Variants in RAB38 observed in about 807,000 individuals in gnomAD.
RAB38 encodes ras-related protein Rab-38.
RAB38 carries 15 observed loss-of-function variants against 18.4 expected under a neutral mutation model. That is an observed-to-expected ratio of 0.82 (90% CI 0.55 to 1.26). The LOEUF is 1.26. Ranked by LOEUF, RAB38 falls within the 50% of genes most tolerant of loss-of-function variation. RAB38 has a pLI of 0.00. For synonymous variants in RAB38, 101 were observed against 104.4 expected (o/e 0.97, Z 0.20); for missense variants, 294 against 267.4 (o/e 1.10, Z -0.69).
the RAB38 span, among the ~76,000 whole-genome samples, chr11:88,048,233 G>A: frequency 2.0e-5 from 3 of 152,250 alleles, no homozygotes; most frequent in African/African-American, 7.2e-5. Context: ...TGGATAGGTA[G>A]AGGCCTTTCC....
the RAB38 span, among the ~76,000 whole-genome samples, chr11:88,059,489 T>C: frequency 6.6e-6 from 1 of 152,218 alleles, no homozygotes; most frequent in Non-Finnish European, 1.5e-5. Context: ...TAAATGATCA[T>C]GAATCATGCA....
chr11:87,883,829 G>A, the RAB38 span, among the ~76,000 whole-genome samples: 1 of 151,898 alleles, frequency 6.6e-6, no homozygotes, highest in South Asian at 2.1e-4. Context: ...AAAGTCAAGA[G>A]AACTGTTTCT....
the RAB38 span, chr11:88,060,300 A>C: frequency 6.6e-6 from 1 of 152,294 alleles, no homozygotes; most frequent in Middle Eastern, 3.4e-3. Flanking sequence ...GCTTGCATCT[A>C]TCTCTCTGTG....
At chr11:88,169,607 G>A (rs181098497) in intron 1 of RAB38, among the ~76,000 whole-genome samples, 4 of 152,290 alleles carry the variant, frequency 2.6e-5, no homozygotes, top group Admixed American at 2.0e-4. Flanking sequence ...TCAAGCAAAG[G>A]AGACTGAATT....
the RAB38 span, among the ~76,000 whole-genome samples, chr11:88,018,335 C>T: frequency 2.0e-5 from 3 of 152,144 alleles, no homozygotes; most frequent in African/African-American, 4.8e-5. Flanking sequence ...TAGCATTGTC[C>T]ACCCTTTTCC....
the RAB38 span, among the ~76,000 whole-genome samples, chr11:87,878,971 A>ATTTTTT: frequency 2.2e-5 from 3 of 133,752 alleles, no homozygotes; most frequent in Non-Finnish European, 3.2e-5. Context: ...GCAATTACTG[A>ATTTTTT]TTTTTTTTTT....
At chr11:87,878,222 T>TATATATACACACAC in the RAB38 span, among the ~76,000 whole-genome samples, 2 of 116,154 alleles carry the variant, frequency 1.7e-5, no homozygotes, top group African/African-American at 4.5e-5. Flanking sequence ...TATATATATA[T>TATATATACACACAC]ACACACATAT....
the RAB38 span, among the ~76,000 whole-genome samples, chr11:87,843,415 G>A: frequency 6.6e-6 from 1 of 152,144 alleles, no homozygotes. Context: ...AGATAATCAG[G>A]AACCATGTGT....
chr11:87,886,156 T>C, the RAB38 span, among the ~76,000 whole-genome samples: 1 of 151,972 alleles, frequency 6.6e-6, no homozygotes, highest in Non-Finnish European at 1.5e-5. Context: ...TCTAAGGGCC[T>C]TTACAGCCTC....
At chr11:88,078,947 T>C in the RAB38 span, among the ~76,000 whole-genome samples, 4 of 151,984 alleles carry the variant, frequency 2.6e-5, no homozygotes, top group Non-Finnish European at 1.5e-5. Flanking sequence ...ATTGATTTTA[T>C]CTTTCCATTT....
intron 1 of RAB38, chr11:88,167,774 A>T (rs1330310028): frequency 6.6e-6 from 1 of 152,156 alleles, no homozygotes; most frequent in Non-Finnish European, 1.5e-5. Context: ...ACCCCAGGCT[A>T]GAGTCTCAGA....
At chr11:87,894,450 A>G in the RAB38 span, among the ~76,000 whole-genome samples, 1 of 151,670 alleles carries the variant, frequency 6.6e-6, no homozygotes, top group Non-Finnish European at 1.5e-5. Context: ...ATTCCCTGGG[A>G]GCAGTTCCGA....
chr11:87,883,986 G>T, the RAB38 span, among the ~76,000 whole-genome samples: 4 of 151,948 alleles, frequency 2.6e-5, no homozygotes, highest in Admixed American at 1.3e-4. Context: ...TGTGGTGATC[G>T]GTTATGGCAG....
the RAB38 span, among the ~76,000 whole-genome samples, chr11:87,955,873 GCA>G: frequency 0.56 from 83,088 of 148,284 alleles, 23,651 homozygotes; most frequent in Non-Finnish European, 0.62. Flanking sequence ...CAAACAGTAT[GCA>G]CACACACACA....
At chr11:87,938,566 G>A in the RAB38 span, among the ~76,000 whole-genome samples, 4 of 147,980 alleles carry the variant, frequency 2.7e-5, no homozygotes, top group African/African-American at 1.0e-4. Context: ...CAGTAGAGGG[G>A]TTATTGTTTG....
the RAB38 span, among the ~76,000 whole-genome samples, chr11:88,019,445 A>G: frequency 6.6e-6 from 1 of 152,190 alleles, no homozygotes; most frequent in Non-Finnish European, 1.5e-5. Flanking sequence ...GGTTGCCAGG[A>G]CCCCTGCAAC....
At chr11:87,975,023 T>C in the RAB38 span, among the ~76,000 whole-genome samples, 2 of 151,912 alleles carry the variant, frequency 1.3e-5, no homozygotes, top group Admixed American at 1.3e-4. Flanking sequence ...AGCCGTTCTA[T>C]GCCTCTCTCC....
At chr11:87,921,578 T>C in the RAB38 span, among the ~76,000 whole-genome samples, 1 of 148,336 alleles carries the variant, frequency 6.7e-6, no homozygotes, top group African/African-American at 2.4e-5. Context: ...ATATATATTA[T>C]ATATATACAC....
At chr11:87,878,089 GT>G in the RAB38 span, among the ~76,000 whole-genome samples, 1 of 150,020 alleles carries the variant, frequency 6.7e-6, no homozygotes, top group East Asian at 2.0e-4. Context: ...AACTGAAAAT[GT>G]TGGTGGGGCT....
Sources: allele counts gnomAD v4.1 joint callset (sites outside exome capture counted in the v4.1 genomes callset), GRCh38; gene constraint gnomAD v4.1.1; transcripts MANE v1.5; gene names NCBI Gene and HGNC (gene_info 2026-07-23, HGNC 2026-07-21).